Variants in LARGE1 observed in about 807,000 individuals in gnomAD.
The protein encoded by LARGE1 is LARGE xylosyl- and glucuronyltransferase 1, also known as xylosyl- and glucuronyltransferase LARGE1.
In LARGE1, 43 loss-of-function variants were observed where a neutral mutation model predicts 87.6. That is an observed-to-expected ratio of 0.49 (90% CI 0.38 to 0.63). The LOEUF is 0.63. Ranked by LOEUF, LARGE1 falls within the 30% of genes least tolerant of loss-of-function variation. LARGE1 has a pLI of 0.00. For missense variants in LARGE1, 802 were observed against 1,000.2 expected (o/e 0.80, Z 2.67); for synonymous variants, 434 against 394.6 (o/e 1.10, Z -1.18).
intron 11 of LARGE1, among the ~76,000 whole-genome samples, chr22:33,211,432 A>C (rs1448862474): frequency 1.3e-5 from 2 of 152,226 alleles, no homozygotes; most frequent in Non-Finnish European, 2.9e-5. Context: ...CTCTTGTCCC[A>C]AACAGCCTAG....
At chr22:33,852,867 AAAAAAAAAAAAAGAAAGAAAG>A in intron 1 of LARGE1, among the ~76,000 whole-genome samples, 1 of 105,026 alleles carries the variant, frequency 9.5e-6, no homozygotes, top group African/African-American at 4.8e-5. Flanking sequence ...AAAAAAAAAA[AAAAAAAAAAAAAGAAAGAAAG>A]AAAGAAAGAA....
At chr22:33,335,018 C>T (rs1398780467) in intron 10 of LARGE1, among the ~76,000 whole-genome samples, 1 of 152,212 alleles carries the variant, frequency 6.6e-6, no homozygotes, top group African/African-American at 2.4e-5. Flanking sequence ...TTTCTTATAA[C>T]ACTGAGCAGC....
intron 7 of LARGE1, among the ~76,000 whole-genome samples, chr22:33,387,488 T>A (rs1042997380): frequency 1.5e-5 from 2 of 133,444 alleles, no homozygotes; most frequent in African/African-American, 5.8e-5. Context: ...AAATGAATTA[T>A]AATTAGGTTG....
intron 1 of LARGE1, among the ~76,000 whole-genome samples, chr22:33,821,803 A>G (rs2086830407): frequency 6.6e-6 from 1 of 152,156 alleles, no homozygotes; most frequent in South Asian, 2.1e-4. Context: ...ATCTTCAACA[A>G]TCATTATGAT....
At chr22:33,785,385 G>C (rs2085609250) in intron 1 of LARGE1, among the ~76,000 whole-genome samples, 1 of 151,972 alleles carries the variant, frequency 6.6e-6, no homozygotes, top group African/African-American at 2.4e-5. Context: ...AACTCATAAA[G>C]TCACTCGATG....
At chr22:33,618,103 G>A (rs150761408) in intron 4 of LARGE1, among the ~76,000 whole-genome samples, 4 of 152,332 alleles carry the variant, frequency 2.6e-5, no homozygotes, top group African/African-American at 9.6e-5. Context: ...TGAATTCTCA[G>A]TGAATCTGTT....
At chr22:33,727,850 A>G (rs1457948054) in intron 2 of LARGE1, among the ~76,000 whole-genome samples, 5 of 152,118 alleles carry the variant, frequency 3.3e-5, no homozygotes, top group African/African-American at 1.2e-4. Context: ...TGAGGCTTGG[A>G]AAGGTCAGGG....
chr22:33,428,605 G>A (rs1384313689), intron 7 of LARGE1, among the ~76,000 whole-genome samples: 5 of 110,160 alleles, frequency 4.5e-5, no homozygotes, highest in Non-Finnish European at 9.2e-5. Flanking sequence ...GAGCCACCGT[G>A]CCTGGCCTTG....
chr22:33,785,739 A>G (rs2085620632), intron 1 of LARGE1, among the ~76,000 whole-genome samples: 1 of 152,176 alleles, frequency 6.6e-6, no homozygotes, highest in South Asian at 2.1e-4. Context: ...CAATTTTCTA[A>G]GTTCATTAGC....
the LARGE1 span, among the ~76,000 whole-genome samples, chr22:33,085,242 C>G: frequency 3.3e-5 from 5 of 152,216 alleles, no homozygotes; most frequent in East Asian, 1.9e-4. Flanking sequence ...CGCCACTGCA[C>G]TCTAGCTTGG....
At chr22:33,433,607 CAAAAAAAA>C (rs57605083) in intron 6 of LARGE1, among the ~76,000 whole-genome samples, 6 of 88,260 alleles carry the variant, frequency 6.8e-5, no homozygotes, top group Admixed American at 1.4e-4. Context: ...AAAAACAAAA[CAAAAAAAA>C]AAAAAAAAAA....
intron 1 of LARGE1, among the ~76,000 whole-genome samples, chr22:33,880,327 G>C (rs910803547): frequency 1.3e-5 from 2 of 152,172 alleles, no homozygotes; most frequent in South Asian, 4.1e-4. Flanking sequence ...CAGCTTCTAT[G>C]GAGCAAACAG....
intron 9 of LARGE1, among the ~76,000 whole-genome samples, chr22:33,339,347 C>T (rs535381583): frequency 5.3e-5 from 8 of 151,228 alleles, no homozygotes; most frequent in East Asian, 1.9e-4. Flanking sequence ...GCACAAGGGG[C>T]GGAAAGATAT....
intron 2 of LARGE1, chr22:33,657,251 G>A (rs1241662500): frequency 6.6e-6 from 1 of 152,190 alleles, no homozygotes; most frequent in African/African-American, 2.4e-5. Flanking sequence ...TCCTGCCCGT[G>A]ATAAAGACAC....
At chr22:33,650,750 T>C in intron 2 of LARGE1, 82 bp from the exon 3 acceptor site, 3 of 1,497,500 alleles carry the variant, frequency 2.0e-6, no homozygotes, top group Non-Finnish European at 1.8e-6. Flanking sequence ...CATCCCTTAC[T>C]ACATGGCGAG....
At chr22:33,359,708 C>T (rs1172195013) in intron 9 of LARGE1, among the ~76,000 whole-genome samples, 5 of 149,282 alleles carry the variant, frequency 3.3e-5, no homozygotes, top group Admixed American at 6.6e-5. Context: ...GGACTACAGG[C>T]GCCCACCACC....
At chr22:33,425,089 T>C (rs1224918328) in intron 7 of LARGE1, among the ~76,000 whole-genome samples, 1 of 151,840 alleles carries the variant, frequency 6.6e-6, no homozygotes, top group African/African-American at 2.4e-5. Flanking sequence ...TGGTGAAACC[T>C]CACCTCCACT....
chr22:33,173,871 G>A (rs913134648), intron 11 of LARGE1, among the ~76,000 whole-genome samples: 1 of 152,132 alleles, frequency 6.6e-6, no homozygotes, highest in Non-Finnish European at 1.5e-5. Flanking sequence ...AAGAAACTTA[G>A]ACTCCCACAC....
At chr22:33,336,587 C>T (rs74478426) in intron 10 of LARGE1, among the ~76,000 whole-genome samples, 2,828 of 152,238 alleles carry the variant, frequency 0.019, 89 homozygotes, top group African/African-American at 0.062. Flanking sequence ...CAGGTAGTAA[C>T]TGGAAGGAAT....
Sources: gnomAD v4.1 joint callset for allele counts (sites outside exome capture counted in the v4.1 genomes callset) on GRCh38, gnomAD v4.1.1 for gene constraint, MANE v1.5 for transcripts, NCBI Gene and HGNC (gene_info 2026-07-23, HGNC 2026-07-21) for gene names.